The following MAP3K12 variants were observed in gnomAD, a reference collection of about 807,000 sequenced individuals.
The protein encoded by MAP3K12 is mitogen-activated protein kinase kinase kinase 12.
A neutral mutation model predicts 87.5 loss-of-function variants in MAP3K12; 14 were observed. The observed-to-expected ratio is 0.16, with a 90% CI of 0.11 to 0.25. MAP3K12 has a LOEUF of 0.25. MAP3K12 is among the 10% of genes least tolerant of loss of function. The pLI is 1.00. For missense variants in MAP3K12, 802 were observed against 1,140.4 expected, an observed-to-expected ratio of 0.70 and a Z score of 4.27; for synonymous variants, 469 against 452.5, an observed-to-expected ratio of 1.04 and a Z score of -0.46.
chr12:53,483,289 T>C (rs944414135), intron 10 of MAP3K12, 60 bp downstream of exon 10: 25 of 1,591,204 alleles, frequency 1.6e-5, no homozygotes, highest in Admixed American at 1.0e-4. Context: ...CCTGCTAATA[T>C]ACCTGTTGCC....
intron 1 of MAP3K12, among the ~76,000 whole-genome samples, chr12:53,490,791 G>A (rs1040193741): frequency 3.3e-5 from 5 of 151,598 alleles, no homozygotes; most frequent in Non-Finnish European, 7.4e-5. Flanking sequence ...TGCACCTTTA[G>A]TTCCAGCTAC....
In MAP3K12 at chr12:53,482,352, C is replaced by T. The variant is rs540161716; in HGVS notation, c.2256G>A (p.Ser752=). 2.0e-5 allele frequency: 32 copies of T among 1,613,636 alleles called. No homozygotes were observed. The highest frequency in any genetic ancestry group is 3.3e-4 in the Middle Eastern group (2 of 6,082). Residue 752 remains serine, a synonymous_variant, in exon 12 of 14, where the codon TCG becomes TCA. Coordinates refer to ENST00000547488, the MANE Select transcript of MAP3K12 (RefSeq NM_001193511.2). ...TGTCTACCTCTCCTTCCTCCTCTTC[C>T]GATGAGATGCCACGTTTCTGCAGGA... ...VTRSQKRGIS[S]EEEEGEVDSE...
At position 53,481,220 on chromosome 12, in the gene MAP3K12, C is replaced by G; in HGVS notation, c.2641G>C (p.Val881Leu). Residue 881 changes from valine to leucine, a missense_variant, in exon 14 of 14, where the codon GTT becomes CTT. By Grantham distance (32) the Val-to-Leu change is conservative. This residue lies in a region of MAP3K12 where 490 missense variants were observed against 496.6 expected (regional missense o/e 0.99). Coordinates refer to ENST00000547488, the MANE Select transcript of MAP3K12 (RefSeq NM_001193511.2). ...DSTELDNSNS[V>L]DALRPPASLP... Reference sequence around the variant, plus strand: ...GAAGCTGGGGGCCGCAAGGCATCAACGCTGTTGGAGTTGTCCAATTCAGTG... The same window carrying G: ...GAAGCTGGGGGCCGCAAGGCATCAAGGCTGTTGGAGTTGTCCAATTCAGTG... 6.4e-7 allele frequency: 1 copy of G among 1,551,650 alleles called. No individual in the cohort carries two copies. Among genetic ancestry groups the G allele is most frequent in the Non-Finnish European group, 8.7e-7 (1 of 1,147,450 alleles).
In MAP3K12 at chr12:53,480,718, C is replaced by T. The variant is rs576783223; in HGVS notation, c.*464G>A. On this transcript the variant is annotated 3_prime_UTR_variant, in exon 14 of 14. Coordinates refer to ENST00000547488, the MANE Select transcript of MAP3K12 (RefSeq NM_001193511.2). Reference sequence around the variant, plus strand: ...ACAAAAAAATGAGTTACATTGCCACCTGAGAAACCTCAGAGGGGAGGACCC... The same window carrying T: ...ACAAAAAAATGAGTTACATTGCCACTTGAGAAACCTCAGAGGGGAGGACCC... 2.0e-5 allele frequency: 3 copies of T among 152,598 alleles called. No homozygotes were observed. Among genetic ancestry groups the T allele is most frequent in the African/African-American group, 7.2e-5 (3 of 41,418 alleles). 9.5% of individuals were successfully genotyped at this position (152,598 alleles called of 1,614,324 possible). A position where few individuals can be genotyped will look rare whatever the true frequency, so the allele number is the denominator to read the frequency against.
At chr12:53,501,499 C>T (rs1165715275), upstream of MAP3K12, 5 of 1,553,486 alleles carry the variant, frequency 3.2e-6, no homozygotes, top group Non-Finnish European at 4.4e-6. Flanking sequence ...GGGCGAAAAG[C>T]GTGGGGCCGT....
chr12:53,487,417 G>T lies in MAP3K12; in HGVS notation c.-26C>A. The T allele has an allele frequency of 6.3e-7, 1 of 1,587,588 alleles. No homozygotes were observed. The highest frequency in any genetic ancestry group is 1.2e-5 in the South Asian group (1 of 86,826). On this transcript the variant is annotated 5_prime_UTR_variant, in exon 2 of 14. Coordinates refer to ENST00000547488, the MANE Select transcript of MAP3K12 (RefSeq NM_001193511.2). The stretch of plus-strand genomic sequence containing the variant: ...CGCCTCTGGCCCCTGGTATGATGGT[G>T]AACACTGGGCCCTGTGGGAATGAAG...
upstream of MAP3K12, chr12:53,501,236 C>T (rs1219661724): frequency 1.5e-6 from 1 of 687,176 alleles, no homozygotes; most frequent in Non-Finnish European, 2.4e-6. Context: ...TAGCTCCCCT[C>T]CAGATGGAGG....
Position 53,486,304 on chromosome 12 carries a change from T to C in MAP3K12, c.630-57A>G. The C allele has an allele frequency of 4.5e-6, 7 of 1,556,182 alleles. No homozygotes were observed. Among genetic ancestry groups the C allele is most frequent in the Non-Finnish European group, 6.1e-6 (7 of 1,148,046 alleles). ...GCTGGCTCAGCATTCACCTGATTCATACCTGGAACCCCCATTCCCACCCAT... is the reference window on the plus strand; with the variant it reads ...GCTGGCTCAGCATTCACCTGATTCACACCTGGAACCCCCATTCCCACCCAT... On this transcript the variant is annotated intron_variant, in intron 3 of 13. Transcript: ENST00000547488. The surrounding 1 kb of genome is among the most constrained non-coding windows in gnomAD (Gnocchi z 4.9).
chr12:53,482,595 C>T lies in MAP3K12; in HGVS notation c.2208G>A (p.Leu736=). Residue 736 remains leucine (L), a synonymous_variant, in exon 11 of 14, where the codon CTG becomes CTA. Coordinates refer to ENST00000547488, the MANE Select transcript of MAP3K12 (RefSeq NM_001193511.2). ...AGSQHLTPAA[L]LYRAAVTRSQ... is the part of the protein sequence containing the mutation. ...TTCGGGTGACGGCAGCCCTGTACAG[C>T]AGTGCAGCTGGGGTCAAGTGCTGGG... 6.2e-7 allele frequency: 1 copy of T among 1,613,226 alleles called. No individual in the cohort carries two copies. The highest frequency in any genetic ancestry group is 2.2e-5 in the East Asian group (1 of 44,866).
chr12:53,487,214 C>T lies in MAP3K12; in HGVS notation c.178G>A (p.Gly60Arg), dbSNP rs746532182. The change falls in exon 2 of 14, where the codon GGG becomes AGG. Residue 60 changes from glycine to arginine, a missense_variant. Coordinates refer to ENST00000547488, the MANE Select transcript of MAP3K12 (RefSeq NM_001193511.2). ...RDVVPLGGQG[G>R]GGPSPSPGGE... ...CCTGGGGAGGGGCTGGGCCCTCCCC[C>T]ACCCTGCCCACCAAGGGGTACCACA... The T allele has an allele frequency of 1.2e-6, 2 of 1,613,248 alleles. No homozygotes were observed. The highest frequency in any genetic ancestry group is 1.3e-5 in the African/African-American group (1 of 74,730).
chr12:53,484,404 G>C, intron 6 of MAP3K12, 39 bp from the exon 7 acceptor site: 12 of 1,502,430 alleles, frequency 8.0e-6, no homozygotes, highest in Non-Finnish European at 1.1e-5. Context: ...GGGAGAATTT[G>C]AGGGAGGATC....
At chr12:53,484,058 C>A (rs983121455) in intron 7 of MAP3K12, 38 bp from the exon 8 acceptor site, 1 of 1,583,130 alleles carries the variant, frequency 6.3e-7, no homozygotes, top group Non-Finnish European at 8.7e-7. Context: ...AGAGCCATCC[C>A]TTCACCCAGT....
chr12:53,487,011 G>A lies in MAP3K12; in HGVS notation c.381C>T (p.Cys127=), dbSNP rs2137198124. 2 of 1,614,074 alleles carry A rather than the reference G, an allele frequency of 1.2e-6. No individual in the cohort carries two copies. Among genetic ancestry groups the A allele is most frequent in the Non-Finnish European group, 8.5e-7 (1 of 1,180,018 alleles). ...CAATCATGGTCCAGACAGGGCGCAG[G>A]CAGCCAAAGAGGCCCTCAAGGAAGC... ...GSGFLEGLFG[C]LRPVWTMIGK... Residue 127 remains cysteine, a synonymous_variant, in exon 2 of 14, where the codon TGC becomes TGT. Coordinates refer to ENST00000547488, the MANE Select transcript of MAP3K12 (RefSeq NM_001193511.2).
At chr12:53,499,636 A>G (rs1320765938), upstream of MAP3K12, 1 of 46,424 alleles carries the variant, frequency 2.2e-5, no homozygotes, top group South Asian at 7.6e-4. Flanking sequence ...CCCGACCCCT[A>G]GCCCCGTCCC....
rs1943242814 is a variant in MAP3K12 at position 53,486,934 on chromosome 12, G to C, written c.445+13C>G. ...GGAAACAGAGAGGAGGCTCCCACAA[G>C]GACGTGGCCTACCTTCCTGCTGCTG... On this transcript the variant is annotated intron_variant, in intron 2 of 13. Transcript: ENST00000547488. The surrounding 1 kb of genome is among the most constrained non-coding windows in gnomAD (Gnocchi z 4.9). The C allele has an allele frequency of 6.2e-7, 1 of 1,610,064 alleles. No individual in the cohort carries two copies. The highest frequency in any genetic ancestry group is 2.2e-5 in the East Asian group (1 of 44,780).
chr12:53,484,143 TCTA>T, intron 7 of MAP3K12, 111 bp downstream of exon 7: 4 of 1,353,564 alleles, frequency 3.0e-6, no homozygotes, highest in Non-Finnish European at 4.2e-6. Flanking sequence ...GACTCAGCCC[TCTA>T]AGAGCCAATC....
At position 53,482,668 on chromosome 12, in the gene MAP3K12, C is replaced by G; in HGVS notation, c.2135G>C (p.Gly712Ala). ...VGPGEGVGLLGTGREGTSGRG... is the reference protein window; with the variant it reads ...VGPGEGVGLLATGREGTSGRG... ...GCCTGAGGTCCCTTCCCTTCCAGTT[C>G]CCAGAAGCCCCACACCTTCACCAGG... Residue 712 changes from glycine (G) to alanine (A), a missense_variant, in exon 11 of 14, where the codon GGA (glycine) becomes GCA (alanine). Gly to Ala is a moderately conservative substitution (Grantham distance 60). Transcript: ENST00000547488. 6.2e-7 allele frequency: 1 copy of G among 1,613,972 alleles called. No individual in the cohort carries two copies. The highest frequency in any genetic ancestry group is 8.5e-7 in the Non-Finnish European group (1 of 1,180,018).
intron 12 of MAP3K12, 23 bp from the exon 13 acceptor site, chr12:53,482,234 A>ACAGCTTGGTTCTGC: frequency 6.2e-7 from 1 of 1,614,156 alleles, no homozygotes; most frequent in Non-Finnish European, 8.5e-7. Flanking sequence ...GAGGGGGATT[A>ACAGCTTGGTTCTGC]CAGCTTGGTT....
intron 1 of MAP3K12, among the ~76,000 whole-genome samples, chr12:53,488,137 T>TC (rs1943287011): frequency 6.6e-6 from 1 of 151,732 alleles, no homozygotes. Flanking sequence ...CAGAGTTCTG[T>TC]CCCCCCAGCA....
Sources: allele counts gnomAD v4.1 joint callset (sites outside exome capture counted in the v4.1 genomes callset), GRCh38; gene constraint gnomAD v4.1.1; regional missense constraint gnomAD v4.1.1; non-coding constraint Gnocchi (gnomAD v3.1); transcripts MANE v1.5; gene names NCBI Gene and HGNC (gene_info 2026-07-23, HGNC 2026-07-21).